GNAT3: variants seen among roughly 807,000 people sequenced by gnomAD.
The protein encoded by GNAT3 is G protein subunit alpha transducin 3.
GNAT3 carries 31 observed loss-of-function variants against 37.7 expected under a neutral mutation model. That is an observed-to-expected ratio of 0.82 (90% CI 0.62 to 1.11). GNAT3 has a LOEUF of 1.11. Ranked by LOEUF, GNAT3 falls within the 50% of genes most tolerant of loss-of-function variation. GNAT3 has a pLI of 0.00. For missense variants in GNAT3, 437 were observed against 412.5 expected, an observed-to-expected ratio of 1.06 and a Z score of -0.51; for synonymous variants, 138 against 139.8, an observed-to-expected ratio of 0.99 and a Z score of 0.09.
At position 80,498,352 on chromosome 7, in the gene GNAT3, T is replaced by C. The variant is rs544655190; in HGVS notation, c.119-3705A>G. Among the ~76,000 whole-genome samples, 267 of 152,266 alleles carry C rather than the reference T, an allele frequency of 1.8e-3. 2 individuals carry two copies. Among genetic ancestry groups the C allele is most frequent in the African/African-American group, 5.9e-3 (247 of 41,582 alleles). ...CTTTTTTAAAAATGGCATGTACTTTTAAATGAAACTACATATTAAAAGTTA... is the reference window on the plus strand; with the variant it reads ...CTTTTTTAAAAATGGCATGTACTTTCAAATGAAACTACATATTAAAAGTTA... On this transcript the variant is annotated intron_variant, in intron 1 of 7. Transcript: ENST00000398291.
intron 5 of GNAT3, among the ~76,000 whole-genome samples, chr7:80,471,312 G>A (rs1196977739): frequency 6.6e-6 from 1 of 151,118 alleles, no homozygotes; most frequent in Non-Finnish European, 1.5e-5. Context: ...ATCTCCTTTG[G>A]TAACACCCTC....
intron 1 of GNAT3, among the ~76,000 whole-genome samples, chr7:80,500,459 A>G (rs1790812682): frequency 6.6e-6 from 1 of 152,074 alleles, no homozygotes; most frequent in East Asian, 1.9e-4. Context: ...TCCAAACTGA[A>G]TCTCAAGTTT....
At chr7:80,483,752 T>G (rs1200673488) in intron 3 of GNAT3, among the ~76,000 whole-genome samples, 1 of 152,084 alleles carries the variant, frequency 6.6e-6, no homozygotes, top group African/African-American at 2.4e-5. Context: ...GGTGGTTCAC[T>G]TCCTTTTTCA....
chr7:80,482,009 C>T (rs1790399036), intron 3 of GNAT3, among the ~76,000 whole-genome samples: 1 of 152,164 alleles, frequency 6.6e-6, no homozygotes, highest in Non-Finnish European at 1.5e-5. Context: ...TAACTTTAAT[C>T]CCCATAGAAT....
chr7:80,506,527 A>G (rs1020321273), intron 1 of GNAT3, among the ~76,000 whole-genome samples: 2 of 152,138 alleles, frequency 1.3e-5, no homozygotes, highest in Admixed American at 1.3e-4. Context: ...AACATTGTAA[A>G]TATTTGGCAA....
chr7:80,496,642 G>T (rs1007908063), intron 1 of GNAT3, among the ~76,000 whole-genome samples: 8 of 152,064 alleles, frequency 5.3e-5, no homozygotes, highest in African/African-American at 1.9e-4. Flanking sequence ...CACTGATTTA[G>T]CCAAAGCACC....
At chr7:80,503,145 C>T (rs1790868303) in intron 1 of GNAT3, among the ~76,000 whole-genome samples, 1 of 151,992 alleles carries the variant, frequency 6.6e-6, no homozygotes, top group African/African-American at 2.4e-5. Flanking sequence ...AAATAAAATT[C>T]CTATGCAATA....
At chr7:80,501,251 T>A (rs983313005) in intron 1 of GNAT3, among the ~76,000 whole-genome samples, 1 of 152,062 alleles carries the variant, frequency 6.6e-6, no homozygotes, top group Non-Finnish European at 1.5e-5. Flanking sequence ...TATAGTGTTA[T>A]GGAAGCCCGC....
intron 4 of GNAT3, 42 bp downstream of exon 4, chr7:80,478,799 A>G: frequency 6.3e-7 from 1 of 1,577,670 alleles, no homozygotes; most frequent in Non-Finnish European, 8.7e-7. Flanking sequence ...TCTTAATTTT[A>G]AATGTTTTAC....
At chr7:80,490,866 A>G (rs1222426324) in intron 2 of GNAT3, among the ~76,000 whole-genome samples, 3 of 152,136 alleles carry the variant, frequency 2.0e-5, no homozygotes, top group Non-Finnish European at 4.4e-5. Context: ...TCAGCCTTCT[A>G]TAGTGTGTTA....
chr7:80,495,013 A>G (rs946589813), intron 1 of GNAT3, among the ~76,000 whole-genome samples: 74 of 152,006 alleles, frequency 4.9e-4, no homozygotes, highest in African/African-American at 1.8e-3. Flanking sequence ...GAATTGTTTA[A>G]CTTAAGATAG....
rs558097197 is a variant in GNAT3, at chr7:80,499,980, A to G, written c.119-5333T>C. 2.6e-5 allele frequency among the ~76,000 whole-genome samples: 4 copies of G among 152,294 alleles called. No homozygotes were observed. In the South Asian group the frequency reaches 6.2e-4, roughly 24 times the overall value. ...AATGTGCTCATATCCTTTTAAAGAA[A>G]TATTTCAAGTATAATATGATCCACT... On this transcript the variant is annotated intron_variant, in intron 1 of 7. Coordinates refer to ENST00000398291, the MANE Select transcript of GNAT3 (RefSeq NM_001102386.3).
intron 4 of GNAT3, among the ~76,000 whole-genome samples, chr7:80,474,698 A>G (rs1226931700): frequency 1.3e-5 from 2 of 152,152 alleles, no homozygotes; most frequent in African/African-American, 2.4e-5. Context: ...ACCTAAATCA[A>G]CATTGCCTTA....
intron 5 of GNAT3, among the ~76,000 whole-genome samples, chr7:80,463,175 A>G (rs1790079651): frequency 1.3e-5 from 2 of 152,166 alleles, no homozygotes; most frequent in East Asian, 1.9e-4. Flanking sequence ...GAAAAAAACA[A>G]ATAAGTTACT....
rs1446826624 is a variant in GNAT3 at position 80,493,726 on chromosome 7, C to CTCCTCCTCCTCCTCTT, written c.161+863_161+878dup. ...TCTTTGTTCCTCCTCCTTCTCTTTC[C>CTCCTCCTCCTCCTCTT]TCCTCCTCCTCCTCTTTCCTCCTCC... On this transcript the variant is annotated intron_variant, in intron 2 of 7. Transcript: ENST00000398291. Among the ~76,000 whole-genome samples, 21 of 109,280 alleles carry CTCCTCCTCCTCCTCTT rather than the reference C, an allele frequency of 1.9e-4. 2 individuals carry two copies. The highest frequency in any genetic ancestry group is 9.2e-4 in the African/African-American group (17 of 18,548). 71.7% of individuals were successfully genotyped at this position (109,280 alleles called of 152,430 possible). A position where few individuals can be genotyped will look rare whatever the true frequency, so the allele number is the denominator to read the frequency against.
At chr7:80,481,724 T>C (rs1173230319) in intron 3 of GNAT3, among the ~76,000 whole-genome samples, 2 of 152,226 alleles carry the variant, frequency 1.3e-5, no homozygotes, top group South Asian at 2.1e-4. Flanking sequence ...AAGGTCTACA[T>C]AGGAAATATT....
At chr7:80,504,055 C>G (rs1369699943) in intron 1 of GNAT3, among the ~76,000 whole-genome samples, 1 of 152,140 alleles carries the variant, frequency 6.6e-6, no homozygotes, top group South Asian at 2.1e-4. Flanking sequence ...GAGGCTCATG[C>G]CTGTAATTCC....
At chr7:80,485,849 G>T (rs1206579892) in intron 3 of GNAT3, among the ~76,000 whole-genome samples, 1 of 152,014 alleles carries the variant, frequency 6.6e-6, no homozygotes, top group Admixed American at 6.6e-5. Flanking sequence ...AATAGTCATT[G>T]TAACTCAAGG....
intron 4 of GNAT3, among the ~76,000 whole-genome samples, chr7:80,474,758 G>A (rs552593663): frequency 1.3e-5 from 2 of 152,202 alleles, no homozygotes; most frequent in East Asian, 3.9e-4. Context: ...ATATGGATAG[G>A]AGTATGAAAG....
Sources: gnomAD v4.1 joint callset for allele counts (sites outside exome capture counted in the v4.1 genomes callset) on GRCh38, gnomAD v4.1.1 for gene constraint, MANE v1.5 for transcripts, NCBI Gene and HGNC (gene_info 2026-07-23, HGNC 2026-07-21) for gene names.